The following SFRP1 variants were observed in gnomAD, a reference collection of about 807,000 sequenced individuals.
SFRP1 encodes secreted frizzled-related protein 1.
Under a neutral mutation model 25.9 loss-of-function variants are expected in SFRP1, and 9 were observed. That is an observed-to-expected ratio of 0.35 (90% CI 0.21 to 0.61). The LOEUF (loss-of-function observed/expected upper bound fraction) is 0.61. Ranked by LOEUF, SFRP1 falls within the 20% of genes least tolerant of loss-of-function variation. The probability of loss-of-function intolerance (pLI) is 0.78; values close to 1 mark genes in which losing one functional copy is unlikely to be tolerated. For missense variants in SFRP1, 346 were observed against 418.2 expected (o/e 0.83, Z 1.51); for synonymous variants, 178 against 174.0 (o/e 1.02, Z -0.18).
chr8:41,272,250 G>C (rs1392954460), intron 2 of SFRP1, among the ~76,000 whole-genome samples: 2 of 152,192 alleles, frequency 1.3e-5, no homozygotes, highest in Non-Finnish European at 2.9e-5. Flanking sequence ...TGGAAAGATA[G>C]TGTAAAAGAG....
intron 2 of SFRP1, among the ~76,000 whole-genome samples, chr8:41,266,165 CA>C (rs796630725): frequency 3.3e-4 from 48 of 144,478 alleles, no homozygotes; most frequent in Admixed American, 6.9e-4. Flanking sequence ...GACTCCATCT[CA>C]AAAAAAAAAA....
intron 2 of SFRP1, among the ~76,000 whole-genome samples, chr8:41,266,325 A>G (rs1803435109): frequency 6.6e-6 from 1 of 152,164 alleles, no homozygotes; most frequent in South Asian, 2.1e-4. Context: ...AAATCCAGTT[A>G]TCATGCACTG....
rs765098694 is a variant in SFRP1, at chr8:41,308,962, C to T, written c.198G>A (p.Arg66=). The stretch of plus-strand genomic sequence containing the variant: ...TCTTGTAGCCCACGTTGTGGCACAG[C>T]CGCAGGTCCGCGGGGATGTCCACGC... ...PQCVDIPADL[R]LCHNVGYKKM... is the part of the protein sequence containing the mutation. The change falls in exon 1 of 3, where the codon CGG becomes CGA. Residue 66 remains arginine, a synonymous_variant. Coordinates refer to ENST00000220772, the MANE Select transcript of SFRP1 (RefSeq NM_003012.5). 10 of 1,613,506 alleles carry T rather than the reference C, an allele frequency of 6.2e-6. No homozygotes were observed. In the East Asian group the frequency reaches 2.2e-4, roughly 36 times the overall value.
In SFRP1 at chr8:41,264,013, C is replaced by T. The variant is rs1485047442; in HGVS notation, c.*1154G>A. ...GGGGTGTTAGGTTCTAGGGCAACCA[C>T]GGACTCTTCAGGAAGGAAAGCCACA... On this transcript the variant is annotated 3_prime_UTR_variant, in exon 3 of 3. Coordinates refer to ENST00000220772, the MANE Select transcript of SFRP1 (RefSeq NM_003012.5). The T allele has an allele frequency of 6.6e-6, 1 of 152,198 alleles. No homozygotes were observed. Among genetic ancestry groups the T allele is most frequent in the Non-Finnish European group, 1.5e-5 (1 of 68,034 alleles). The allele number at this position is 152,198 out of a possible 1,614,324, so 9.4% of individuals were successfully genotyped here.
intron 1 of SFRP1, chr8:41,306,648 A>G: frequency 6.5e-7 from 1 of 1,530,254 alleles, no homozygotes; most frequent in African/African-American, 1.4e-5. Context: ...ACCAGTCCCA[A>G]GCCCCACTCC....
At chr8:41,283,300 A>G (rs994213306) in intron 2 of SFRP1, among the ~76,000 whole-genome samples, 1 of 152,144 alleles carries the variant, frequency 6.6e-6, no homozygotes, top group East Asian at 1.9e-4. Flanking sequence ...TGTCTCCCAT[A>G]CAATGGGAGT....
intron 2 of SFRP1, among the ~76,000 whole-genome samples, chr8:41,268,806 C>G (rs574671034): frequency 2.1e-4 from 32 of 152,330 alleles, no homozygotes; most frequent in African/African-American, 7.2e-4. Flanking sequence ...GGTGCTGGCC[C>G]AAGAGCAGCC....
rs749288754 is a variant in SFRP1, at chr8:41,265,117, C to A, written c.*50G>T. On this transcript the variant is annotated 3_prime_UTR_variant, in exon 3 of 3. Coordinates refer to ENST00000220772, the MANE Select transcript of SFRP1 (RefSeq NM_003012.5). ...ACCGGGTTCCCGGGGCACTGTCCCC[C>A]CCGCTCCCACCCCACCCGAGGCTCC... 9 of 471,878 alleles carry A rather than the reference C, an allele frequency of 1.9e-5. No homozygotes were observed. Among genetic ancestry groups the A allele is most frequent in the African/African-American group, 4.0e-5 (2 of 49,868 alleles). The allele number at this position is 471,878 out of a possible 1,614,324, so 29.2% of individuals were successfully genotyped here.
intron 2 of SFRP1, among the ~76,000 whole-genome samples, chr8:41,294,167 C>T (rs1160454723): frequency 6.6e-6 from 1 of 152,128 alleles, no homozygotes; most frequent in East Asian, 1.9e-4. Flanking sequence ...GCACAGCCGC[C>T]CTATGGAGTA....
At chr8:41,275,060 T>C in intron 2 of SFRP1, 1 of 331,382 alleles carries the variant, frequency 3.0e-6, no homozygotes, top group Non-Finnish European at 5.9e-6. Context: ...ATTTAGTCAA[T>C]CCCCATCATT....
At chr8:41,276,795 A>C (rs914102529) in intron 2 of SFRP1, among the ~76,000 whole-genome samples, 2 of 152,252 alleles carry the variant, frequency 1.3e-5, no homozygotes, top group African/African-American at 4.8e-5. Context: ...ATTTAATTGA[A>C]GTTGTCCTGT....
chr8:41,303,613 G>A lies in SFRP1; in HGVS notation c.545-75C>T, dbSNP rs1005260199. ...GGGAGCAGCCCCTGGGGAAAAGATC[G>A]GCCCTGGGTCCAGGCTGAAAGTGGC... On this transcript the variant is annotated intron_variant, in intron 1 of 2. Coordinates refer to ENST00000220772, the MANE Select transcript of SFRP1 (RefSeq NM_003012.5). 2.8e-5 allele frequency: 34 copies of A among 1,214,024 alleles called. 1 individual carries two copies. Among genetic ancestry groups the A allele is most frequent in the East Asian group, 1.6e-4 (7 of 42,708 alleles). The allele number at this position is 1,214,024 out of a possible 1,614,324, so 75.2% of individuals were successfully genotyped here.
Position 41,265,416 on chromosome 8 carries a change from G to T in SFRP1, c.696C>A (p.Pro232=), listed in dbSNP as rs563062641. ...TCTTCTTGATGGGCCCCAACTTCAG[G>T]GGCTTCTTCTTCTTGGGGACAATCT... ...DKKIVPKKKK[P]LKLGPIKKKD... is the part of the protein sequence containing the mutation. The change falls in exon 3 of 3, where the codon CCC becomes CCA. Residue 232 remains proline, a synonymous_variant. Coordinates refer to ENST00000220772, the MANE Select transcript of SFRP1 (RefSeq NM_003012.5). 2 of 1,612,416 alleles carry T rather than the reference G, an allele frequency of 1.2e-6. No individual in the cohort carries two copies. The highest frequency in any genetic ancestry group is 2.2e-5 in the East Asian group (1 of 44,854).
intron 2 of SFRP1, among the ~76,000 whole-genome samples, chr8:41,267,256 G>A (rs576366719): frequency 6.6e-5 from 10 of 152,218 alleles, no homozygotes; most frequent in Non-Finnish European, 1.2e-4. Flanking sequence ...CTGTCCCAAT[G>A]GACACTGAAT....
At chr8:41,295,922 T>C (rs547733206) in intron 2 of SFRP1, among the ~76,000 whole-genome samples, 2 of 152,334 alleles carry the variant, frequency 1.3e-5, no homozygotes, top group South Asian at 2.1e-4. Context: ...CTGGTTCACT[T>C]TCCTCATAAC....
At chr8:41,297,297 G>A (rs561155877) in intron 2 of SFRP1, among the ~76,000 whole-genome samples, 2 of 151,024 alleles carry the variant, frequency 1.3e-5, no homozygotes, top group Admixed American at 1.3e-4. Context: ...ACCCACCTCA[G>A]CCTCCCAAAG....
At chr8:41,280,749 A>T (rs973121473) in intron 2 of SFRP1, among the ~76,000 whole-genome samples, 1 of 152,208 alleles carries the variant, frequency 6.6e-6, no homozygotes, top group Admixed American at 6.5e-5. Context: ...GCAGAGGGAC[A>T]AACAGCCCCA....
In SFRP1 at chr8:41,309,351, C is replaced by G. The variant is rs1432334683; in HGVS notation, c.-192G>C. The G allele has an allele frequency of 2.1e-6, 1 of 487,792 alleles. No homozygotes were observed. Among genetic ancestry groups the G allele is most frequent in the African/African-American group, 2.1e-5 (1 of 48,278 alleles). 30.2% of individuals were successfully genotyped at this position (487,792 alleles called of 1,614,324 possible). On this transcript the variant is annotated 5_prime_UTR_variant, in exon 1 of 3. Coordinates refer to ENST00000220772, the MANE Select transcript of SFRP1 (RefSeq NM_003012.5). ...GCCCTCGGCCTGCGGTCGGAGGCGG[C>G]GCGGGCGGGGAGGCGGCGCTGCGGG...
Position 41,288,530 on chromosome 8 carries a change from C to CAAAAAAAAAAA in SFRP1, c.622+14920_622+14930dup, listed in dbSNP as rs397893046. The stretch of plus-strand genomic sequence containing the variant: ...CCAGCCTGGGCAAAGAGACCCTGTC[C>CAAAAAAAAAAA]AAAAAAAAAAAAAAAAAAAAAAAAA... On this transcript the variant is annotated intron_variant, in intron 2 of 2. Transcript: ENST00000220772. Among the ~76,000 whole-genome samples, 4 of 39,108 alleles carry CAAAAAAAAAAA rather than the reference C, an allele frequency of 1.0e-4. 1 individual carries two copies. Among genetic ancestry groups the CAAAAAAAAAAA allele is most frequent in the Non-Finnish European group, 1.4e-4 (3 of 21,192 alleles). 25.7% of individuals were successfully genotyped at this position (39,108 alleles called of 152,430 possible). A position where few individuals can be genotyped will look rare whatever the true frequency, so the allele number is the denominator to read the frequency against.
Sources: allele counts gnomAD v4.1 joint callset (sites outside exome capture counted in the v4.1 genomes callset), GRCh38; gene constraint gnomAD v4.1.1; transcripts MANE v1.5; gene names NCBI Gene and HGNC (gene_info 2026-07-23, HGNC 2026-07-21).